The following CTNNA2 variants were observed in gnomAD, a reference collection of about 807,000 sequenced individuals.
The protein encoded by CTNNA2 is catenin alpha 2, also known as catenin alpha-2.
In CTNNA2, 42 loss-of-function variants were observed where a neutral mutation model predicts 101.0. That is an observed-to-expected ratio of 0.42 (90% CI 0.32 to 0.54). CTNNA2 has a LOEUF of 0.54. Ranked by LOEUF, CTNNA2 falls within the 20% of genes least tolerant of loss-of-function variation. CTNNA2 has a pLI of 0.14. For synonymous variants in CTNNA2, 450 were observed against 456.4 expected, an observed-to-expected ratio of 0.99 and a Z score of 0.18; for missense variants, 871 against 1,223.1, an observed-to-expected ratio of 0.71 and a Z score of 4.29.
intron 7 of CTNNA2, among the ~76,000 whole-genome samples, chr2:80,205,888 A>G (rs1014034035): frequency 6.6e-5 from 10 of 152,258 alleles, no homozygotes; most frequent in South Asian, 2.1e-4. Flanking sequence ...CATCTTGAAT[A>G]TAACAACTGA....
chr2:79,314,015 G>T (rs1261234229), intron 3 of CTNNA2, among the ~76,000 whole-genome samples: 1 of 152,104 alleles, frequency 6.6e-6, no homozygotes, highest in Non-Finnish European at 1.5e-5. Context: ...TGTGCTCTTT[G>T]CTGAGGGATG....
chr2:79,922,048 T>C (rs1485883964), intron 7 of CTNNA2, among the ~76,000 whole-genome samples: 1 of 152,232 alleles, frequency 6.6e-6, no homozygotes, highest in Non-Finnish European at 1.5e-5. Context: ...CCTTGGACTA[T>C]GCCAGTATTG....
At chr2:80,139,383 T>C (rs1248821637) in intron 7 of CTNNA2, among the ~76,000 whole-genome samples, 2 of 152,288 alleles carry the variant, frequency 1.3e-5, no homozygotes, top group East Asian at 3.9e-4. Flanking sequence ...AGGATGTTGC[T>C]CTGTTGTCTC....
At chr2:79,741,909 T>C (rs192031317) in intron 2 of CTNNA2, among the ~76,000 whole-genome samples, 105 of 152,352 alleles carry the variant, frequency 6.9e-4, no homozygotes, top group Admixed American at 1.2e-3. Context: ...AATTGTTTAT[T>C]CCGAGCTGAT....
chr2:80,292,562 A>G (rs1442040993), intron 7 of CTNNA2, among the ~76,000 whole-genome samples: 1 of 152,222 alleles, frequency 6.6e-6, no homozygotes. Flanking sequence ...CAAGTAAAAT[A>G]TATGATTAAC....
chr2:79,340,653 GA>G (rs1309103032), intron 3 of CTNNA2, among the ~76,000 whole-genome samples: 1 of 151,970 alleles, frequency 6.6e-6, no homozygotes, highest in Non-Finnish European at 1.5e-5. Context: ...CTAACACGGT[GA>G]AACCCTGTCT....
At chr2:80,314,181 A>T (rs1213602442) in intron 7 of CTNNA2, among the ~76,000 whole-genome samples, 1 of 152,222 alleles carries the variant, frequency 6.6e-6, no homozygotes, top group Non-Finnish European at 1.5e-5. Flanking sequence ...GCTGATGCAC[A>T]ATCAAAAGTT....
At chr2:79,889,519 T>C (rs1574238692) in intron 6 of CTNNA2, among the ~76,000 whole-genome samples, 1 of 152,290 alleles carries the variant, frequency 6.6e-6, no homozygotes, top group Admixed American at 6.5e-5. Flanking sequence ...CAGCATCTCA[T>C]AGGGCAGAGA....
chr2:80,412,322 C>A (rs1489951814), intron 8 of CTNNA2, among the ~76,000 whole-genome samples: 6 of 152,216 alleles, frequency 3.9e-5, no homozygotes, highest in Non-Finnish European at 8.8e-5. Context: ...CCTTCCCTGT[C>A]CTAGTCCCCA....
chr2:79,369,259 G>C (rs1677816490), intron 3 of CTNNA2, among the ~76,000 whole-genome samples: 1 of 152,110 alleles, frequency 6.6e-6, no homozygotes, highest in African/African-American at 2.4e-5. Context: ...ATTTCCTGGG[G>C]AGAACAATTC....
intron 7 of CTNNA2, among the ~76,000 whole-genome samples, chr2:80,194,167 G>A (rs1240546234): frequency 6.6e-6 from 1 of 152,118 alleles, no homozygotes; most frequent in African/African-American, 2.4e-5. Flanking sequence ...TCACCGCTTT[G>A]TAGCTGTATT....
chr2:79,306,286 C>T (rs1316661325), intron 2 of CTNNA2, among the ~76,000 whole-genome samples: 1 of 151,952 alleles, frequency 6.6e-6, no homozygotes, highest in Non-Finnish European at 1.5e-5. Flanking sequence ...TTCAAAGGAT[C>T]TATTGTACAT....
At chr2:79,537,818 A>C (rs2103971407) in intron 1 of CTNNA2, among the ~76,000 whole-genome samples, 1 of 151,440 alleles carries the variant, frequency 6.6e-6, no homozygotes, top group South Asian at 2.1e-4. Flanking sequence ...TTCAAGAGAA[A>C]GTTATGCATA....
chr2:80,490,087 G>T (rs1222652397), intron 9 of CTNNA2, among the ~76,000 whole-genome samples: 1 of 152,120 alleles, frequency 6.6e-6, no homozygotes, highest in Non-Finnish European at 1.5e-5. Context: ...CCTTATTTGA[G>T]TGAACCAGCT....
At chr2:80,239,075 A>G (rs1709700845) in intron 7 of CTNNA2, among the ~76,000 whole-genome samples, 1 of 152,214 alleles carries the variant, frequency 6.6e-6, no homozygotes. Context: ...GATTAGATGA[A>G]GTTGAGTATG....
chr2:79,418,060 A>C (rs1351404229), intron 4 of CTNNA2, among the ~76,000 whole-genome samples: 1 of 152,064 alleles, frequency 6.6e-6, no homozygotes, highest in East Asian at 1.9e-4. Flanking sequence ...TGCTTGGATG[A>C]GAGATGAAAT....
chr2:80,289,964 G>C (rs1675096681), intron 7 of CTNNA2, among the ~76,000 whole-genome samples: 1 of 152,122 alleles, frequency 6.6e-6, no homozygotes, highest in Non-Finnish European at 1.5e-5. Flanking sequence ...GGCCTCAAAA[G>C]TCACTGTGTG....
chr2:79,337,500 A>G, intron 3 of CTNNA2, among the ~76,000 whole-genome samples: 1 of 152,208 alleles, frequency 6.6e-6, no homozygotes, highest in Non-Finnish European at 1.5e-5. Context: ...AGGATCATTC[A>G]TATGCCAAAC....
chr2:79,551,036 G>A (rs1211447608), intron 1 of CTNNA2, among the ~76,000 whole-genome samples: 1 of 152,188 alleles, frequency 6.6e-6, no homozygotes, highest in Admixed American at 6.6e-5. Flanking sequence ...ATTACTGTAG[G>A]AAGTGAGAAA....
Sources: allele counts gnomAD v4.1 joint callset (sites outside exome capture counted in the v4.1 genomes callset), GRCh38; gene constraint gnomAD v4.1.1; transcripts MANE v1.5; gene names NCBI Gene and HGNC (gene_info 2026-07-23, HGNC 2026-07-21).